HDAC9: variants seen among roughly 807,000 people sequenced by gnomAD.
HDAC9 encodes the protein MEF-2 interacting transcription repressor (MITR) protein.
Under a neutral mutation model 139.4 loss-of-function variants are expected in HDAC9, and 41 were observed. That is an observed-to-expected ratio of 0.29 (90% CI 0.23 to 0.38). The LOEUF is 0.38. Among genes scored for constraint, HDAC9 ranks in the 10% least tolerant of loss-of-function variants. The pLI is 1.00. For missense variants in HDAC9, 1,147 were observed against 1,297.0 expected (o/e 0.88, Z 1.78); for synonymous variants, 517 against 476.2 (o/e 1.09, Z -1.12).
At chr7:18,606,234 G>C (rs1190877267) in intron 6 of HDAC9, among the ~76,000 whole-genome samples, 1 of 152,108 alleles carries the variant, frequency 6.6e-6, no homozygotes, top group Non-Finnish European at 1.5e-5. Context: ...ACTTTGTTCA[G>C]CTTTTTACTT....
At chr7:18,712,547 T>G (rs575930684) in intron 12 of HDAC9, among the ~76,000 whole-genome samples, 1 of 152,314 alleles carries the variant, frequency 6.6e-6, no homozygotes, top group African/African-American at 2.4e-5. Flanking sequence ...CTAAGAATGA[T>G]GAGAACTGTT....
intron 1 of HDAC9, among the ~76,000 whole-genome samples, chr7:18,392,556 C>A (rs192950915): frequency 6.6e-6 from 1 of 151,864 alleles, no homozygotes; most frequent in African/African-American, 2.4e-5. Flanking sequence ...TAGCTTAAAT[C>A]CTGTTCTCAC....
chr7:18,800,741 G>C (rs1174728870), intron 17 of HDAC9, among the ~76,000 whole-genome samples: 8 of 152,132 alleles, frequency 5.3e-5, no homozygotes, highest in Non-Finnish European at 8.8e-5. Flanking sequence ...GCTGAGATGG[G>C]AGGATTGCTT....
At chr7:18,550,877 T>C (rs1041537052) in intron 2 of HDAC9, among the ~76,000 whole-genome samples, 12 of 152,118 alleles carry the variant, frequency 7.9e-5, no homozygotes, top group Non-Finnish European at 1.6e-4. Context: ...CTGAGCAAAA[T>C]AGTCAGCCAT....
intron 17 of HDAC9, among the ~76,000 whole-genome samples, chr7:18,817,892 A>C (rs539849647): frequency 2.6e-5 from 4 of 152,308 alleles, no homozygotes; most frequent in African/African-American, 9.6e-5. Context: ...AGGTAGATTA[A>C]ATATCCTCAG....
chr7:18,213,841 T>G (rs1792114014), intron 2 of HDAC9, among the ~76,000 whole-genome samples: 2 of 152,136 alleles, frequency 1.3e-5, no homozygotes, highest in South Asian at 4.1e-4. Context: ...CTACCAGGCA[T>G]CATGTAACAG....
At chr7:18,132,609 C>G (rs921433583) in intron 1 of HDAC9, among the ~76,000 whole-genome samples, 4 of 152,018 alleles carry the variant, frequency 2.6e-5, no homozygotes, top group African/African-American at 4.8e-5. Context: ...TTGTGGGATC[C>G]AAAAACATTC....
At chr7:18,468,227 T>C (rs972280481) in intron 1 of HDAC9, among the ~76,000 whole-genome samples, 2 of 152,180 alleles carry the variant, frequency 1.3e-5, no homozygotes, top group Non-Finnish European at 2.9e-5. Flanking sequence ...GGGGTGAAAT[T>C]TAAACTCCTC....
At chr7:18,543,283 A>G (rs1422648454) in intron 2 of HDAC9, 1 of 152,174 alleles carries the variant, frequency 6.6e-6, no homozygotes, top group Admixed American at 6.6e-5. Context: ...GGACATGTGA[A>G]TGGTGAATTT....
chr7:18,342,385 G>A (rs2128663016), intron 1 of HDAC9, among the ~76,000 whole-genome samples: 1 of 151,930 alleles, frequency 6.6e-6, no homozygotes, highest in South Asian at 2.1e-4. Context: ...ACATCTCACA[G>A]GGATTACTCT....
At chr7:18,329,999 G>T (rs1167182442) in intron 1 of HDAC9, among the ~76,000 whole-genome samples, 2 of 7,172 alleles carry the variant, frequency 2.8e-4, no homozygotes, top group Non-Finnish European at 6.4e-4. Context: ...GTGTGTGTGT[G>T]TGTGTGTTCC....
chr7:18,094,508 A>G (rs541994272), intron 1 of HDAC9, among the ~76,000 whole-genome samples: 7 of 150,056 alleles, frequency 4.7e-5, no homozygotes, highest in Admixed American at 6.7e-5. Context: ...ACAGCTCAGT[A>G]TAACCTTGAG....
chr7:18,721,758 CAG>C (rs939644367), intron 12 of HDAC9, among the ~76,000 whole-genome samples: 1 of 152,076 alleles, frequency 6.6e-6, no homozygotes, highest in Non-Finnish European at 1.5e-5. Context: ...CAAAACAAAA[CAG>C]AAAAAAATCT....
At chr7:18,135,138 A>T (rs1785295093) in intron 1 of HDAC9, among the ~76,000 whole-genome samples, 1 of 152,060 alleles carries the variant, frequency 6.6e-6, no homozygotes, top group Admixed American at 6.6e-5. Context: ...TACCTTTTTC[A>T]AGTGGATACT....
intron 18 of HDAC9, 35 bp downstream of exon 18, chr7:18,829,251 C>A (rs767853458): frequency 6.5e-7 from 1 of 1,547,226 alleles, no homozygotes; most frequent in South Asian, 1.1e-5. Flanking sequence ...TCTCCAAGCA[C>A]CACGGTTCCT....
intron 1 of HDAC9, among the ~76,000 whole-genome samples, chr7:18,152,192 T>C (rs1190208349): frequency 3.3e-5 from 5 of 152,120 alleles, no homozygotes; most frequent in African/African-American, 4.8e-5. Context: ...CTGAATGTCA[T>C]AATGTCTCAC....
intron 2 of HDAC9, among the ~76,000 whole-genome samples, chr7:18,183,599 T>A (rs966159575): frequency 1.3e-5 from 2 of 152,222 alleles, no homozygotes; most frequent in Non-Finnish European, 2.9e-5. Context: ...ATAAGAAGAT[T>A]GGCAGAACAC....
chr7:18,754,488 T>A (rs1398630307), intron 14 of HDAC9, among the ~76,000 whole-genome samples: 1 of 152,104 alleles, frequency 6.6e-6, no homozygotes, highest in Non-Finnish European at 1.5e-5. Flanking sequence ...TGCTCTCACA[T>A]TTGTTTTGAG....
intron 13 of HDAC9, among the ~76,000 whole-genome samples, chr7:18,732,761 G>GTA (rs1312954319): frequency 5.1e-5 from 4 of 78,698 alleles, no homozygotes; most frequent in East Asian, 7.7e-4. Flanking sequence ...ACACACACGT[G>GTA]TATGTGTGCG....
Sources: allele counts gnomAD v4.1 joint callset (sites outside exome capture counted in the v4.1 genomes callset), GRCh38; gene constraint gnomAD v4.1.1; transcripts MANE v1.5; gene names NCBI Gene and HGNC (gene_info 2026-07-23, HGNC 2026-07-21).